Variants in EIPR1 observed in about 807,000 individuals in gnomAD.
The protein encoded by EIPR1 is EARP complex and GARP complex interacting protein 1.
EIPR1 carries 25 observed loss-of-function variants against 48.1 expected under a neutral mutation model. That is an observed-to-expected ratio of 0.52 (90% CI 0.38 to 0.73). EIPR1 has a LOEUF of 0.73. Ranked by LOEUF, EIPR1 falls within the 30% of genes least tolerant of loss-of-function variation. The pLI, the probability that EIPR1 is intolerant of heterozygous loss-of-function variation, is 0.00. For missense variants in EIPR1, 415 were observed against 506.2 expected, an observed-to-expected ratio of 0.82 and a Z score of 1.73; for synonymous variants, 204 against 201.9, an observed-to-expected ratio of 1.01 and a Z score of -0.09.
At chr2:3,259,262 G>T (rs1667253403) in intron 3 of EIPR1, among the ~76,000 whole-genome samples, 1 of 150,190 alleles carries the variant, frequency 6.7e-6, no homozygotes, top group African/African-American at 2.4e-5. Flanking sequence ...GCTATTCTGT[G>T]GAAGAAATGA....
At chr2:3,304,934 T>C (rs1668880839) in intron 3 of EIPR1, among the ~76,000 whole-genome samples, 3 of 145,618 alleles carry the variant, frequency 2.1e-5, no homozygotes, top group Non-Finnish European at 4.5e-5. Flanking sequence ...TCCAGTCCCG[T>C]CCAGTTCAGC....
At chr2:3,225,093 C>G (rs1339078338) in intron 4 of EIPR1, among the ~76,000 whole-genome samples, 1 of 152,178 alleles carries the variant, frequency 6.6e-6, no homozygotes, top group Non-Finnish European at 1.5e-5. Context: ...GTAAAACTAT[C>G]TATAGGTCCA....
At chr2:3,253,442 A>G (rs1464126307) in intron 4 of EIPR1, among the ~76,000 whole-genome samples, 1 of 152,202 alleles carries the variant, frequency 6.6e-6, no homozygotes, top group East Asian at 1.9e-4. Context: ...AATATTTTAC[A>G]GAACTGGACT....
intron 3 of EIPR1, among the ~76,000 whole-genome samples, chr2:3,270,568 G>T (rs1183658351): frequency 6.6e-6 from 1 of 151,892 alleles, no homozygotes; most frequent in Non-Finnish European, 1.5e-5. Flanking sequence ...TTAATTTTTT[G>T]GTTTCCTAGT....
chr2:3,333,263 G>A (rs972540767), intron 3 of EIPR1, among the ~76,000 whole-genome samples: 1 of 152,226 alleles, frequency 6.6e-6, no homozygotes, highest in African/African-American at 2.4e-5. Flanking sequence ...GACTTCCACT[G>A]ATTTGCAGAG....
At chr2:3,274,113 A>G (rs4854162) in intron 3 of EIPR1, among the ~76,000 whole-genome samples, 40,833 of 152,140 alleles carry the variant, frequency 0.27, 6,701 homozygotes, top group Non-Finnish European at 0.38. Flanking sequence ...AACCTAGGAC[A>G]CAGCAGAGAC....
At chr2:3,235,797 C>T (rs774777911) in intron 4 of EIPR1, among the ~76,000 whole-genome samples, 22 of 152,136 alleles carry the variant, frequency 1.4e-4, no homozygotes, top group Non-Finnish European at 3.2e-4. Flanking sequence ...TGTTATTAAT[C>T]AGATTTCCTG....
intron 4 of EIPR1, among the ~76,000 whole-genome samples, chr2:3,237,672 C>T (rs969112488): frequency 6.6e-6 from 1 of 152,102 alleles, no homozygotes; most frequent in Non-Finnish European, 1.5e-5. Flanking sequence ...ACATGGAACG[C>T]GCTGAGAGGC....
intron 3 of EIPR1, among the ~76,000 whole-genome samples, chr2:3,275,716 G>T (rs1025718585): frequency 2.0e-5 from 3 of 151,830 alleles, no homozygotes; most frequent in Non-Finnish European, 4.4e-5. Context: ...GGAAAAAGTT[G>T]CATCTTCACA....
rs1006840655 is a variant in EIPR1, at chr2:3,254,001, C to T, written c.416+3298G>A. Among the ~76,000 whole-genome samples, 3 of 152,104 alleles carry T rather than the reference C, an allele frequency of 2.0e-5. No individual in the cohort carries two copies. In the East Asian group the frequency reaches 5.8e-4, roughly 29 times the overall value. ...AGTGTGGGGAACCGTGTGGCATTCT[C>T]GGGCACTCCCAGGTGGCCAGAAGCT... is the stretch of plus-strand genomic sequence containing the variant. On this transcript the variant is annotated intron_variant, in intron 4 of 8. Coordinates refer to ENST00000382125, the MANE Select transcript of EIPR1 (RefSeq NM_003310.5).
chr2:3,252,878 T>C (rs971347819), intron 4 of EIPR1, among the ~76,000 whole-genome samples: 1 of 152,164 alleles, frequency 6.6e-6, no homozygotes, highest in African/African-American at 2.4e-5. Context: ...GGGACACATT[T>C]CCACTGTAAA....
intron 4 of EIPR1, among the ~76,000 whole-genome samples, chr2:3,247,384 G>A (rs543510516): frequency 2.2e-4 from 34 of 152,280 alleles, no homozygotes; most frequent in South Asian, 1.5e-3. Flanking sequence ...ATCAAAGGGC[G>A]ATGGAAAACC....
At chr2:3,263,400 T>C (rs1301154130) in intron 3 of EIPR1, among the ~76,000 whole-genome samples, 1 of 152,174 alleles carries the variant, frequency 6.6e-6, no homozygotes, top group Admixed American at 6.5e-5. Context: ...AAGAAGTTCA[T>C]CCGACACTTA....
Position 3,196,963 on chromosome 2 carries a change from G to T in EIPR1, c.571C>A (p.Arg191=). The change falls in exon 6 of 9, where the codon CGG becomes AGG. Residue 191 remains arginine, a synonymous_variant. Transcript: ENST00000382125. ...GKGQLKFTSG[R]WSPHHNCTQV... ...GTGCAGTTATGATGTGGGCTCCACC[G>T]TCCTGAGGTGAACTTCAGTTGTCCC... is the stretch of plus-strand genomic sequence containing the variant. 1.2e-6 allele frequency: 2 copies of T among 1,613,970 alleles called. No individual in the cohort carries two copies. The highest frequency in any genetic ancestry group is 1.7e-6 in the Non-Finnish European group (2 of 1,180,046).
At chr2:3,315,160 CCAT>C (rs1669252289) in intron 3 of EIPR1, among the ~76,000 whole-genome samples, 1 of 2,992 alleles carries the variant, frequency 3.3e-4, no homozygotes, top group Non-Finnish European at 5.3e-4. Context: ...CCCATGCCTA[CCAT>C]CATCACCACC....
intron 2 of EIPR1, among the ~76,000 whole-genome samples, chr2:3,352,857 C>T (rs1023473051): frequency 2.0e-5 from 3 of 152,114 alleles, no homozygotes; most frequent in Admixed American, 6.6e-5. Flanking sequence ...ATTAGCTGGG[C>T]GTGGTGGTGC....
chr2:3,351,285 G>A (rs1670571777), intron 2 of EIPR1, among the ~76,000 whole-genome samples: 1 of 152,206 alleles, frequency 6.6e-6, no homozygotes, highest in Non-Finnish European at 1.5e-5. Flanking sequence ...ACATGCGTGA[G>A]CGACCACACC....
At chr2:3,299,478 G>T (rs1407575397) in intron 3 of EIPR1, among the ~76,000 whole-genome samples, 3 of 152,106 alleles carry the variant, frequency 2.0e-5, no homozygotes, top group Non-Finnish European at 2.9e-5. Flanking sequence ...CCTTCTCTTA[G>T]GAAAAGAGAG....
chr2:3,237,233 C>T (rs1243377284), intron 4 of EIPR1, among the ~76,000 whole-genome samples: 11 of 148,470 alleles, frequency 7.4e-5, no homozygotes, highest in African/African-American at 2.8e-4. Flanking sequence ...CACACACACA[C>T]ACACACACAC....
Sources: allele counts gnomAD v4.1 joint callset (sites outside exome capture counted in the v4.1 genomes callset), GRCh38; gene constraint gnomAD v4.1.1; transcripts MANE v1.5; gene names NCBI Gene and HGNC (gene_info 2026-07-23, HGNC 2026-07-21).